The following PCDHA3 variants were observed in gnomAD, a reference collection of about 807,000 sequenced individuals.
PCDHA3 encodes protocadherin alpha 3, also known as protocadherin alpha-3.
In PCDHA3, 41 loss-of-function variants were observed where a neutral mutation model predicts 62.2. That is an observed-to-expected ratio of 0.66 (90% CI 0.51 to 0.86). The LOEUF is 0.86. Among genes scored for constraint, PCDHA3 ranks in the 40% least tolerant of loss-of-function variants. The probability of loss-of-function intolerance (pLI) is 0.00; values close to 1 mark genes in which losing one functional copy is unlikely to be tolerated. For synonymous variants in PCDHA3, 640 were observed against 555.4 expected (o/e 1.15, Z -2.14); for missense variants, 1,304 against 1,241.2 (o/e 1.05, Z -0.76).
chr5:140,882,731 G>C, intron 1 of PCDHA3: 1 of 1,614,232 alleles, frequency 6.2e-7, no homozygotes, highest in Non-Finnish European at 8.5e-7. Flanking sequence ...ATTTCCACTA[G>C]ATGGCGCATC....
intron 3 of PCDHA3, among the ~76,000 whole-genome samples, chr5:140,989,538 T>TAAA (rs2097347158): frequency 6.6e-6 from 1 of 152,180 alleles, no homozygotes; most frequent in Non-Finnish European, 1.5e-5. Flanking sequence ...GAAGATAGTT[T>TAAA]GTAATTCCTT....
At chr5:140,909,907 A>C (rs1554194005) in intron 1 of PCDHA3, among the ~76,000 whole-genome samples, 1 of 152,168 alleles carries the variant, frequency 6.6e-6, no homozygotes, top group African/African-American at 2.4e-5. Flanking sequence ...CTGAAATGGC[A>C]ATCATTTCCC....
chr5:140,973,388 G>T (rs1192097180), intron 1 of PCDHA3, among the ~76,000 whole-genome samples: 4 of 152,202 alleles, frequency 2.6e-5, no homozygotes, highest in South Asian at 4.1e-4. Flanking sequence ...AATAGACAAA[G>T]AAATCATATC....
rs1056248774 is a variant in PCDHA3, at chr5:140,862,628, G to A, written c.2394+59037G>A. On this transcript the variant is annotated intron_variant, in intron 1 of 3. Coordinates refer to ENST00000522353, the MANE Select transcript of PCDHA3 (RefSeq NM_018906.3). The stretch of plus-strand genomic sequence containing the variant: ...GTGAAAGGTAACAACCCGCGGGGCT[G>A]CCACGACTTCACAGTGTCCGCGCGG... The A allele has an allele frequency of 9.4e-6, 5 of 534,028 alleles. No individual in the cohort carries two copies. In the Admixed American group the frequency reaches 9.7e-5, roughly 10 times the overall value. 33.1% of individuals were successfully genotyped at this position (534,028 alleles called of 1,614,324 possible). A position where few individuals can be genotyped will look rare whatever the true frequency, so the allele number is the denominator to read the frequency against.
intron 1 of PCDHA3, among the ~76,000 whole-genome samples, chr5:140,873,569 G>A (rs1419596036): frequency 6.7e-6 from 1 of 148,974 alleles, no homozygotes; most frequent in African/African-American, 2.4e-5. Context: ...TTCTAGTTTG[G>A]TTGTTTAAGT....
chr5:140,899,407 T>C (rs1183210224), intron 1 of PCDHA3, among the ~76,000 whole-genome samples: 2 of 152,226 alleles, frequency 1.3e-5, no homozygotes, highest in Non-Finnish European at 2.9e-5. Context: ...TGAAGGGTTG[T>C]TGAATTTTGT....
At chr5:140,906,340 C>T (rs1353616474) in intron 1 of PCDHA3, among the ~76,000 whole-genome samples, 1 of 152,138 alleles carries the variant, frequency 6.6e-6, no homozygotes, top group Non-Finnish European at 1.5e-5. Flanking sequence ...CTTCATACAA[C>T]CAAGAATGCA....
At chr5:140,869,684 T>G in intron 1 of PCDHA3, 1 of 1,613,486 alleles carries the variant, frequency 6.2e-7, no homozygotes, top group Non-Finnish European at 8.5e-7. Flanking sequence ...AGACTGTCAC[T>G]TATTTTAAAG....
chr5:140,866,355 C>T (rs1031469942), intron 1 of PCDHA3: 16 of 152,086 alleles, frequency 1.1e-4, no homozygotes, highest in African/African-American at 3.6e-4. Flanking sequence ...GAAATGTTTA[C>T]AATATTGCAT....
chr5:140,903,275 T>A (rs1313552617), intron 1 of PCDHA3, among the ~76,000 whole-genome samples: 1 of 152,210 alleles, frequency 6.6e-6, no homozygotes, highest in East Asian at 1.9e-4. Flanking sequence ...TGAGGTAGTG[T>A]CTCATTGTGC....
In PCDHA3 at chr5:140,926,298, C is replaced by G. The variant is rs1337047837; in HGVS notation, c.2395-52651C>G. 3.3e-5 allele frequency: 5 copies of G among 152,328 alleles called. No homozygotes were observed. In the East Asian group the frequency reaches 5.8e-4, roughly 18 times the overall value. The allele number at this position is 152,328 out of a possible 1,614,324, so 9.4% of individuals were successfully genotyped here. Reference sequence around the variant, plus strand: ...TCGGCAGCTCCACGCTGAGTCCCGCCCTCTCCGCCGGAGAGGTGCGCCGGG... The same window carrying G: ...TCGGCAGCTCCACGCTGAGTCCCGCGCTCTCCGCCGGAGAGGTGCGCCGGG... On this transcript the variant is annotated intron_variant, in intron 1 of 3. Coordinates refer to ENST00000522353, the MANE Select transcript of PCDHA3 (RefSeq NM_018906.3).
intron 1 of PCDHA3, among the ~76,000 whole-genome samples, chr5:140,941,231 C>CTTTCTTTCTTTCTT (rs1563186950): frequency 5.1e-5 from 7 of 136,876 alleles, no homozygotes; most frequent in East Asian, 2.1e-4. Context: ...TTCTTTCTTT[C>CTTTCTTTCTTTCTT]TTTCTTTCTT....
At chr5:140,904,314 T>C (rs1554191432) in intron 1 of PCDHA3, among the ~76,000 whole-genome samples, 1 of 152,080 alleles carries the variant, frequency 6.6e-6, no homozygotes, top group Admixed American at 6.6e-5. Flanking sequence ...TTTCTTCACT[T>C]AGAATAATGG....
Position 140,851,214 on chromosome 5 carries a change from A to G in PCDHA3, c.2394+47623A>G. ...AGTTGTTAGTCATTCATTAAACATT[A>G]ACATCACTATCATTTATTTATTGCT... On this transcript the variant is annotated intron_variant, in intron 1 of 3. Coordinates refer to ENST00000522353, the MANE Select transcript of PCDHA3 (RefSeq NM_018906.3). The G allele has an allele frequency of 6.9e-6, 8 of 1,159,680 alleles. 1 individual carries two copies. The highest frequency in any genetic ancestry group is 7.7e-6 in the Non-Finnish European group (7 of 905,618). 71.8% of individuals were successfully genotyped at this position (1,159,680 alleles called of 1,614,324 possible).
chr5:140,870,581 T>C, intron 1 of PCDHA3: 1 of 1,613,826 alleles, frequency 6.2e-7, no homozygotes, highest in Non-Finnish European at 8.5e-7. Context: ...TCCTACTCGC[T>C]GGTGGAGCGG....
At chr5:140,850,396 C>T (rs2150482265) in intron 1 of PCDHA3, 1 of 1,597,978 alleles carries the variant, frequency 6.3e-7, no homozygotes, top group Non-Finnish European at 8.6e-7. Flanking sequence ...ATCAGCACAA[C>T]GCGTGCCCTG....
intron 1 of PCDHA3, chr5:140,842,447 G>C (rs200777298): frequency 6.2e-7 from 1 of 1,613,790 alleles, no homozygotes; most frequent in Non-Finnish European, 8.5e-7. Context: ...TAGCGTGAAC[G>C]ACCTCGATTC....
intron 1 of PCDHA3, among the ~76,000 whole-genome samples, chr5:140,826,082 A>G (rs1419827352): frequency 1.3e-5 from 2 of 152,204 alleles, no homozygotes; most frequent in Non-Finnish European, 2.9e-5. Context: ...ATTCAATTTT[A>G]TAAGTACCCT....
At chr5:140,938,907 A>T (rs2092260332) in intron 1 of PCDHA3, among the ~76,000 whole-genome samples, 1 of 152,090 alleles carries the variant, frequency 6.6e-6, no homozygotes, top group Non-Finnish European at 1.5e-5. Context: ...GCACACACAC[A>T]CACGCACAAG....
Sources: allele counts gnomAD v4.1 joint callset (sites outside exome capture counted in the v4.1 genomes callset), GRCh38; gene constraint gnomAD v4.1.1; transcripts MANE v1.5; gene names NCBI Gene and HGNC (gene_info 2026-07-23, HGNC 2026-07-21).